PCDHA9: variants seen among roughly 807,000 people sequenced by gnomAD.
PCDHA9 encodes the protein protocadherin alpha-9.
A neutral mutation model predicts 62.0 loss-of-function variants in PCDHA9; 62 were observed. The observed-to-expected ratio is 1.00, with a 90% CI of 0.81 to 1.23. The LOEUF (loss-of-function observed/expected upper bound fraction) is 1.23. Among genes scored for constraint, PCDHA9 ranks in the 50% most tolerant of loss-of-function variants. The pLI is 0.00. For synonymous variants in PCDHA9, 557 were observed against 567.6 expected, an observed-to-expected ratio of 0.98 and a Z score of 0.27; for missense variants, 1,205 against 1,249.8, an observed-to-expected ratio of 0.96 and a Z score of 0.54.
intron 1 of PCDHA9, among the ~76,000 whole-genome samples, chr5:140,977,973 A>G (rs1336063493): frequency 4.6e-5 from 7 of 152,178 alleles, no homozygotes; most frequent in Admixed American, 3.9e-4. Flanking sequence ...TCCGCCCATG[A>G]AAACGCATCT....
intron 1 of PCDHA9, chr5:140,851,545 G>T (rs912054365): frequency 2.4e-5 from 22 of 908,160 alleles, no homozygotes; most frequent in Non-Finnish European, 2.7e-5. Flanking sequence ...GATAATTCAA[G>T]AAATGTTGAC....
intron 1 of PCDHA9, chr5:140,884,795 T>C: frequency 7.8e-7 from 1 of 1,280,270 alleles, no homozygotes; most frequent in South Asian, 1.7e-5. Context: ...TGTTATCGAA[T>C]TTAACAACTC....
chr5:140,967,745 G>T, intron 1 of PCDHA9: 1 of 1,614,184 alleles, frequency 6.2e-7, no homozygotes, highest in Non-Finnish European at 8.5e-7. Flanking sequence ...GGATTATGAG[G>T]AAGCCTCCTC....
chr5:140,920,002 A>G (rs1260973070), intron 1 of PCDHA9, among the ~76,000 whole-genome samples: 1 of 152,230 alleles, frequency 6.6e-6, no homozygotes, highest in Non-Finnish European at 1.5e-5. Flanking sequence ...CACAGAGGAA[A>G]AGGCCATGCG....
intron 1 of PCDHA9, among the ~76,000 whole-genome samples, chr5:140,960,254 C>T (rs2095534958): frequency 6.6e-6 from 1 of 152,138 alleles, no homozygotes; most frequent in South Asian, 2.1e-4. Flanking sequence ...CTTCCTGGAG[C>T]TTCTGATAAA....
Position 140,889,101 on chromosome 5 carries a change from T to C in PCDHA9, c.2394+38212T>C, listed in dbSNP as rs115792966. On this transcript the variant is annotated intron_variant, in intron 1 of 3. Transcript: ENST00000532602. ...TTAAATTTTCAAAACAATTTTTTCA[T>C]CTTTATTCCAGGTGATACTGATATG... Among the ~76,000 whole-genome samples the C allele has an allele frequency of 7.5e-3, 1,145 of 152,066 alleles. 15 individuals carry two copies. Among genetic ancestry groups the C allele is most frequent in the African/African-American group, 0.026 (1,085 of 41,518 alleles).
At chr5:140,898,099 A>C (rs1469393554) in intron 1 of PCDHA9, among the ~76,000 whole-genome samples, 2 of 152,168 alleles carry the variant, frequency 1.3e-5, no homozygotes, top group African/African-American at 4.8e-5. Flanking sequence ...GCCCTTTGTC[A>C]GATGAGTAGG....
chr5:140,965,353 A>C (rs1255008521), intron 1 of PCDHA9, among the ~76,000 whole-genome samples: 1 of 152,172 alleles, frequency 6.6e-6, no homozygotes, highest in Non-Finnish European at 1.5e-5. Flanking sequence ...TTGCCTCTAT[A>C]GCAGTACAAG....
chr5:140,994,142 G>C (rs550428204), intron 3 of PCDHA9, among the ~76,000 whole-genome samples: 8 of 152,180 alleles, frequency 5.3e-5, no homozygotes, highest in Admixed American at 4.6e-4. Context: ...AATGCCCTAC[G>C]TAGGTAGGGT....
At chr5:140,897,467 C>T (rs1427386129) in intron 1 of PCDHA9, among the ~76,000 whole-genome samples, 11 of 151,912 alleles carry the variant, frequency 7.2e-5, no homozygotes, top group Non-Finnish European at 7.4e-5. Flanking sequence ...CGATAGTTTA[C>T]TGAGAATGAT....
Position 140,848,709 on chromosome 5 carries a change from G to T in PCDHA9, c.214G>T (p.Gly72Trp). 6.3e-7 allele frequency: 1 copy of T among 1,592,420 alleles called. No individual in the cohort carries two copies. The highest frequency in any genetic ancestry group is 1.3e-5 in the African/African-American group (1 of 74,382). ...RLFQLDSKGR[G>W]DLLEVNLQNG... Reference sequence around the variant, plus strand: ...GTTCCAGTTGGATTCCAAAGGCCGCGGGGACCTTCTGGAGGTAAATCTGCA... The same window carrying T: ...GTTCCAGTTGGATTCCAAAGGCCGCTGGGACCTTCTGGAGGTAAATCTGCA... Residue 72 changes from glycine to tryptophan, a missense_variant, in exon 1 of 4, where the codon GGG becomes TGG. This residue lies in a region of PCDHA9 where 208 missense variants were observed against 213.2 expected (regional missense o/e 0.98). Transcript: ENST00000532602.
In PCDHA9 at chr5:141,006,221, T is replaced by C. The variant is rs559314025; in HGVS notation, c.2543-3406T>C. Among the ~76,000 whole-genome samples, 485 of 152,162 alleles carry C rather than the reference T, an allele frequency of 3.2e-3. 7 individuals carry two copies. The highest frequency in any genetic ancestry group is 0.01 in the Middle Eastern group (3 of 294). On this transcript the variant is annotated intron_variant, in intron 3 of 3. Transcript: ENST00000532602. Reference sequence around the variant, plus strand: ...GTTATGCCTCATTTTTTTTTAAATTTTTTATTTTTAGATGGAGTCTTGCTC... The same window carrying C: ...GTTATGCCTCATTTTTTTTTAAATTCTTTATTTTTAGATGGAGTCTTGCTC...
chr5:140,884,798 A>C, intron 1 of PCDHA9: 3 of 1,275,332 alleles, frequency 2.4e-6, no homozygotes, highest in Non-Finnish European at 3.2e-6. Flanking sequence ...TATCGAATTT[A>C]ACAACTCTGC....
chr5:140,858,249 A>G lies in PCDHA9; in HGVS notation c.2394+7360A>G, dbSNP rs782165070. Reference sequence around the variant, plus strand: ...ACCGAGGGCGCATGTGGGCCGGTGAAGCCCACGCTGGTGTGCTCTAGCGCG... The same window carrying G: ...ACCGAGGGCGCATGTGGGCCGGTGAGGCCCACGCTGGTGTGCTCTAGCGCG... On this transcript the variant is annotated intron_variant, in intron 1 of 3. Coordinates refer to ENST00000532602, the MANE Select transcript of PCDHA9 (RefSeq NM_031857.2). 53 of 1,596,100 alleles carry G rather than the reference A, an allele frequency of 3.3e-5. 6 individuals are homozygous for G. The highest frequency in any genetic ancestry group is 4.5e-5 in the Non-Finnish European group (52 of 1,166,170).
intron 1 of PCDHA9, among the ~76,000 whole-genome samples, chr5:140,953,480 T>C (rs782804804): frequency 2.6e-5 from 4 of 152,194 alleles, no homozygotes; most frequent in Non-Finnish European, 5.9e-5. Flanking sequence ...CCTCATGCTG[T>C]GTCACAACCT....
At chr5:140,875,543 G>A in intron 1 of PCDHA9, 1 of 1,614,164 alleles carries the variant, frequency 6.2e-7, no homozygotes, top group Non-Finnish European at 8.5e-7. Flanking sequence ...CTTGCAGCCT[G>A]GGAGGTGGGG....
chr5:140,895,772 C>T (rs1554186642), intron 1 of PCDHA9, among the ~76,000 whole-genome samples: 1 of 152,072 alleles, frequency 6.6e-6, no homozygotes, highest in Non-Finnish European at 1.5e-5. Flanking sequence ...TTTATGGCTG[C>T]ATAGTATTCA....
intron 1 of PCDHA9, chr5:140,862,463 G>C (rs2047375519): frequency 2.7e-6 from 1 of 370,738 alleles, no homozygotes. Flanking sequence ...TGGACCAAGA[G>C]AGCAAATCTA....
chr5:140,873,030 C>T (rs251373), intron 1 of PCDHA9, among the ~76,000 whole-genome samples: 67,234 of 151,934 alleles, frequency 0.44, 15,336 homozygotes, highest in South Asian at 0.58. Context: ...TCTTACTACA[C>T]GTAGAGTGGT....
Sources: gnomAD v4.1 joint callset for allele counts (sites outside exome capture counted in the v4.1 genomes callset) on GRCh38, gnomAD v4.1.1 for gene constraint, gnomAD v4.1.1 regional missense constraint, MANE v1.5 for transcripts, NCBI Gene and HGNC (gene_info 2026-07-23, HGNC 2026-07-21) for gene names.